The following RGS7BP variants were observed in gnomAD, a reference collection of about 807,000 sequenced individuals.
RGS7BP encodes the protein regulator of G protein signaling 7-binding protein.
RGS7BP carries 9 observed loss-of-function variants against 31.3 expected under a neutral mutation model. The observed-to-expected ratio is 0.29, with a 90% CI of 0.17 to 0.50. RGS7BP has a LOEUF of 0.50. RGS7BP is among the 20% of genes least tolerant of loss of function. The pLI is 0.98. For missense variants in RGS7BP, 274 were observed against 322.0 expected (o/e 0.85, Z 1.14); for synonymous variants, 115 against 120.1 (o/e 0.96, Z 0.28).
intron 2 of RGS7BP, among the ~76,000 whole-genome samples, chr5:64,544,510 G>T: frequency 7.0e-6 from 1 of 142,012 alleles, no homozygotes; most frequent in South Asian, 2.3e-4. Context: ...CCCTGTCTCT[G>T]AAAAAAAAAA....
rs142979718 is a variant in RGS7BP, at chr5:64,549,972, C to T, written c.333-25802C>T. On this transcript the variant is annotated intron_variant, in intron 2 of 5. Coordinates refer to ENST00000334025, the MANE Select transcript of RGS7BP (RefSeq NM_001029875.3). ...TGGTAGTTCTACCTTCCACAAAACACGAGAAAACAGTTCAGCCAAGTTTTT... is the reference window on the plus strand; with the variant it reads ...TGGTAGTTCTACCTTCCACAAAACATGAGAAAACAGTTCAGCCAAGTTTTT... Among the ~76,000 whole-genome samples, 345 of 152,246 alleles carry T rather than the reference C, an allele frequency of 2.3e-3. 5 individuals are homozygous for T. Among genetic ancestry groups the T allele is most frequent in the African/African-American group, 7.3e-3 (303 of 41,550 alleles).
chr5:64,576,628 C>T (rs1182564), intron 3 of RGS7BP, among the ~76,000 whole-genome samples: 152,332 of 152,334 alleles, frequency 1, 76,165 homozygotes, highest in Non-Finnish European at 1. Context: ...TTGGACCAGG[C>T]TTATGCCTAA....
intron 5 of RGS7BP, among the ~76,000 whole-genome samples, chr5:64,608,756 A>C (rs1013526892): frequency 1.3e-5 from 2 of 152,082 alleles, no homozygotes; most frequent in Non-Finnish European, 2.9e-5. Context: ...TTAGAAAAGA[A>C]GCCAACCTTA....
intron 2 of RGS7BP, among the ~76,000 whole-genome samples, chr5:64,547,220 A>G (rs2111826596): frequency 6.6e-6 from 1 of 152,344 alleles, no homozygotes; most frequent in Non-Finnish European, 1.5e-5. Flanking sequence ...CTTCTGATGG[A>G]CAAAGATTTT....
At position 64,507,747 on chromosome 5, in the gene RGS7BP, C is replaced by G. The variant is rs1302181855; in HGVS notation, c.202C>G (p.Arg68Gly). The part of the protein sequence containing the change: ...QEFNTQVALY[R>G]ELVISIGDVS... Reference sequence around the variant, plus strand: ...GTTCAACACACAAGTGGCCCTGTACCGAGAGCTGGTCATTTCTATTGGGGA... The same window carrying G: ...GTTCAACACACAAGTGGCCCTGTACGGAGAGCTGGTCATTTCTATTGGGGA... Residue 68 changes from arginine to glycine, a missense_variant, in exon 2 of 6, where the codon CGA (arginine) becomes GGA (glycine). Around this residue, in one of 3 missense-constraint regions of RGS7BP, gnomAD observed 149 missense variants for 152.6 expected, o/e 0.98. Coordinates refer to ENST00000334025, the MANE Select transcript of RGS7BP (RefSeq NM_001029875.3). The G allele has an allele frequency of 6.2e-7, 1 of 1,613,556 alleles. No homozygotes were observed. Among genetic ancestry groups the G allele is most frequent in the Non-Finnish European group, 8.5e-7 (1 of 1,179,798 alleles).
At chr5:64,591,568 T>C (rs951208457) in intron 3 of RGS7BP, among the ~76,000 whole-genome samples, 1 of 152,126 alleles carries the variant, frequency 6.6e-6, no homozygotes, top group Non-Finnish European at 1.5e-5. Flanking sequence ...GAGGCCAATT[T>C]GGCAATATAT....
At chr5:64,602,352 C>G (rs1743239858) in intron 5 of RGS7BP, among the ~76,000 whole-genome samples, 1 of 152,200 alleles carries the variant, frequency 6.6e-6, no homozygotes. Flanking sequence ...TCTGCAATCT[C>G]TTGTCCAAGA....
intron 2 of RGS7BP, among the ~76,000 whole-genome samples, chr5:64,544,983 T>A (rs1194875497): frequency 2.0e-5 from 3 of 152,104 alleles, no homozygotes; most frequent in Non-Finnish European, 2.9e-5. Flanking sequence ...GAGACCGTAC[T>A]GGCCAACATG....
chr5:64,506,839 G>A lies in RGS7BP; in HGVS notation c.165+50G>A, dbSNP rs758179792. 3 of 1,505,468 alleles carry A rather than the reference G, an allele frequency of 2.0e-6. No homozygotes were observed. The highest frequency in any genetic ancestry group is 2.8e-5 in the African/African-American group (2 of 70,738). 93.3% of individuals were successfully genotyped at this position (1,505,468 alleles called of 1,614,324 possible). On this transcript the variant is annotated intron_variant, in intron 1 of 5. Transcript: ENST00000334025. This position sits in a 1 kb window ranked among gnomAD's most constrained non-coding sequence, Gnocchi z 4.6. The stretch of plus-strand genomic sequence containing the variant: ...TTTTTTTTTTTAATTGAGAGGGGGT[G>A]GGGGGAGTCATGTATGTTAATCATT...
At chr5:64,543,752 G>A (rs1169353934) in intron 2 of RGS7BP, among the ~76,000 whole-genome samples, 1 of 152,186 alleles carries the variant, frequency 6.6e-6, no homozygotes, top group Non-Finnish European at 1.5e-5. Flanking sequence ...CCCAGGGGCT[G>A]CTGTGCCCCA....
intron 2 of RGS7BP, among the ~76,000 whole-genome samples, chr5:64,551,680 G>A (rs775723038): frequency 1.1e-4 from 17 of 150,150 alleles, no homozygotes; most frequent in Non-Finnish European, 2.2e-4. Context: ...GCTTCTGGCC[G>A]TTTTTAGGTC....
At chr5:64,565,366 T>C (rs1263921853) in intron 2 of RGS7BP, among the ~76,000 whole-genome samples, 5 of 152,174 alleles carry the variant, frequency 3.3e-5, no homozygotes, top group Non-Finnish European at 7.4e-5. Context: ...CCTGTGTATA[T>C]GTATATTCAT....
At chr5:64,564,559 A>C (rs146273910) in intron 2 of RGS7BP, among the ~76,000 whole-genome samples, 1 of 152,308 alleles carries the variant, frequency 6.6e-6, no homozygotes, top group Non-Finnish European at 1.5e-5. Flanking sequence ...TACACCCTTA[A>C]GTAATTAACA....
intron 5 of RGS7BP, among the ~76,000 whole-genome samples, chr5:64,598,658 C>T (rs1182188528): frequency 6.6e-6 from 1 of 152,156 alleles, no homozygotes; most frequent in Non-Finnish European, 1.5e-5. Context: ...AAAACGAACT[C>T]CTTCTCCACT....
intron 3 of RGS7BP, among the ~76,000 whole-genome samples, chr5:64,581,019 G>A (rs1475466337): frequency 6.6e-6 from 1 of 151,992 alleles, no homozygotes; most frequent in Non-Finnish European, 1.5e-5. Flanking sequence ...TTTGAGACCA[G>A]CCTGGGCAAC....
At chr5:64,593,716 A>G (rs1055242488) in intron 3 of RGS7BP, among the ~76,000 whole-genome samples, 1 of 152,158 alleles carries the variant, frequency 6.6e-6, no homozygotes, top group African/African-American at 2.4e-5. Context: ...TCACCTCCAT[A>G]TCTCTAGCAT....
intron 2 of RGS7BP, among the ~76,000 whole-genome samples, chr5:64,540,402 G>A (rs1741498967): frequency 6.6e-6 from 1 of 151,986 alleles, no homozygotes; most frequent in Admixed American, 6.6e-5. Flanking sequence ...CAAACAAGCA[G>A]CAGTGAACTT....
intron 2 of RGS7BP, among the ~76,000 whole-genome samples, chr5:64,557,369 C>T (rs905089062): frequency 6.6e-6 from 1 of 152,110 alleles, no homozygotes; most frequent in African/African-American, 2.4e-5. Flanking sequence ...TCTGCCTGGA[C>T]CAACTTTCCT....
intron 4 of RGS7BP, 74 bp from the exon 5 acceptor site, chr5:64,598,291 C>CA: frequency 2.3e-6 from 2 of 852,564 alleles, no homozygotes. Context: ...TCAGTTGTCT[C>CA]ATATAACAGA....
Sources: gnomAD v4.1 joint callset for allele counts (sites outside exome capture counted in the v4.1 genomes callset) on GRCh38, gnomAD v4.1.1 for gene constraint, gnomAD v4.1.1 regional missense constraint, Gnocchi (gnomAD v3.1) non-coding constraint, MANE v1.5 for transcripts, NCBI Gene and HGNC (gene_info 2026-07-23, HGNC 2026-07-21) for gene names.